The following SS18L1 variants were observed in gnomAD, a reference collection of about 807,000 sequenced individuals.
SS18L1 encodes the protein SS18L1 subunit of BAF chromatin remodeling complex, also known as calcium-responsive transactivator.
In SS18L1, 32 loss-of-function variants were observed where a neutral mutation model predicts 70.3. The observed-to-expected ratio is 0.46, with a 90% CI of 0.34 to 0.61. SS18L1 has a LOEUF of 0.61. SS18L1 is among the 20% of genes least tolerant of loss of function. SS18L1 has a pLI of 0.01. For synonymous variants in SS18L1, 237 were observed against 229.7 expected, an observed-to-expected ratio of 1.03 and a Z score of -0.29; for missense variants, 430 against 542.1, an observed-to-expected ratio of 0.79 and a Z score of 2.05.
chr20:62,144,402 C>T (rs2056984084), intron 1 of SS18L1, among the ~76,000 whole-genome samples: 1 of 152,232 alleles, frequency 6.6e-6, no homozygotes, highest in Non-Finnish European at 1.5e-5. Flanking sequence ...CACTTGCGAC[C>T]GCGGGGACTG....
In SS18L1 at chr20:62,161,516, C is replaced by T. The variant is rs2057329448; in HGVS notation, c.312C>T (p.Ser104=). 2 of 1,612,678 alleles carry T rather than the reference C, an allele frequency of 1.2e-6. No individual in the cohort carries two copies. The highest frequency in any genetic ancestry group is 4.5e-5 in the East Asian group (2 of 44,874). ...GSSQGLHSQG[S]LSDAISTGLP... Reference sequence around the variant, plus strand: ...GCCAGGGCCTGCACTCTCAGGGCAGCCTGAGTGACGCCATCAGCACGGGCC... The same window carrying T: ...GCCAGGGCCTGCACTCTCAGGGCAGTCTGAGTGACGCCATCAGCACGGGCC... The change falls in exon 4 of 11, where the codon AGC becomes AGT. Residue 104 remains serine (S), a synonymous_variant. Transcript: ENST00000331758. The surrounding 1 kb of genome is among the most constrained non-coding windows in gnomAD (Gnocchi z 4.4).
Position 62,179,579 on chromosome 20 carries a change from C to T in SS18L1, c.*371C>T, listed in dbSNP as rs981497915. The T allele has an allele frequency of 4.6e-5, 15 of 324,180 alleles. No homozygotes were observed. Among genetic ancestry groups the T allele is most frequent in the Non-Finnish European group, 8.1e-5 (14 of 172,722 alleles). The allele number at this position is 324,180 out of a possible 1,614,324, so 20.1% of individuals were successfully genotyped here. Reference sequence around the variant, plus strand: ...CGAGGACACCACAGTCCACCTGTTCCCGTCAACAGACGTTAGGTCTCATTT... The same window carrying T: ...CGAGGACACCACAGTCCACCTGTTCTCGTCAACAGACGTTAGGTCTCATTT... On this transcript the variant is annotated 3_prime_UTR_variant, in exon 11 of 11. Coordinates refer to ENST00000331758, the MANE Select transcript of SS18L1 (RefSeq NM_198935.3).
rs369637630 is a variant in SS18L1 at position 62,166,667 on chromosome 20, A to G, written c.916+1153A>G. Among the ~76,000 whole-genome samples, 16 of 111,576 alleles carry G rather than the reference A, an allele frequency of 1.4e-4. 2 individuals are homozygous for G. In the East Asian group the frequency reaches 2.4e-3, roughly 17 times the overall value. 73.2% of individuals were successfully genotyped at this position (111,576 alleles called of 152,430 possible). A position where few individuals can be genotyped will look rare whatever the true frequency, so the allele number is the denominator to read the frequency against. Reference sequence around the variant, plus strand: ...AGCCTAGGTGTTGTGGCTCACGCCTATAATCCCAGCACTTTAGGAAGCTGA... The same window carrying G: ...AGCCTAGGTGTTGTGGCTCACGCCTGTAATCCCAGCACTTTAGGAAGCTGA... On this transcript the variant is annotated intron_variant, in intron 8 of 10. Coordinates refer to ENST00000331758, the MANE Select transcript of SS18L1 (RefSeq NM_198935.3).
chr20:62,179,554 C>G lies in SS18L1; in HGVS notation c.*346C>G, dbSNP rs1428432162. The G allele has an allele frequency of 2.6e-6, 1 of 381,470 alleles. No homozygotes were observed. Among genetic ancestry groups the G allele is most frequent in the East Asian group, 4.4e-5 (1 of 22,988 alleles). The allele number at this position is 381,470 out of a possible 1,614,324, so 23.6% of individuals were successfully genotyped here. The stretch of plus-strand genomic sequence containing the variant: ...CTGTGCCCAGGGACAGGACAGATCT[C>G]GAGGACACCACAGTCCACCTGTTCC... On this transcript the variant is annotated 3_prime_UTR_variant, in exon 11 of 11. Coordinates refer to ENST00000331758, the MANE Select transcript of SS18L1 (RefSeq NM_198935.3).
In SS18L1 at chr20:62,148,125, G is replaced by A. The variant is rs549024078; in HGVS notation, c.69+4236G>A. On this transcript the variant is annotated intron_variant, in intron 1 of 10. Transcript: ENST00000331758. ...CCCCACCCGAGAAGGGGAGCATGGG[G>A]GCCTGTCTTTACATCCGCAGGGATA... is the stretch of plus-strand genomic sequence containing the variant. 1.3e-4 allele frequency among the ~76,000 whole-genome samples: 20 copies of A among 152,360 alleles called. No homozygotes were observed. The South Asian group carries it at 3.7e-3, about 28-fold the overall frequency.
At chr20:62,150,719 T>A (rs112820497) in intron 1 of SS18L1, among the ~76,000 whole-genome samples, 20 of 133,906 alleles carry the variant, frequency 1.5e-4, no homozygotes, top group African/African-American at 5.0e-4. Flanking sequence ...AGTAACGTGA[T>A]CACAGCTCGT....
intron 6 of SS18L1, 144 bp downstream of exon 6, chr20:62,163,766 A>AT: frequency 8.3e-7 from 1 of 1,203,786 alleles, no homozygotes; most frequent in Non-Finnish European, 1.1e-6. Flanking sequence ...TGGTGTTAAC[A>AT]TTGAGTGTGG....
rs772517465 is a variant in SS18L1 at position 62,158,659 on chromosome 20, G to A, written c.70-13G>A. On this transcript the variant is annotated splice_polypyrimidine_tract_variant and intron_variant, in intron 1 of 10. Transcript: ENST00000331758. This position sits in a 1 kb window ranked among gnomAD's most constrained non-coding sequence, Gnocchi z 4.5. Reference sequence around the variant, plus strand: ...CCCCGCGTCGGCAGCGCCCGCTCACGCTCTCTCCGCAGATGCTGGACGAGA... The same window carrying A: ...CCCCGCGTCGGCAGCGCCCGCTCACACTCTCTCCGCAGATGCTGGACGAGA... 15 of 1,611,774 alleles carry A rather than the reference G, an allele frequency of 9.3e-6. No individual in the cohort carries two copies. Among genetic ancestry groups the A allele is most frequent in the Middle Eastern group, 1.7e-4 (1 of 6,030 alleles).
chr20:62,170,360 G>A (rs1008511935), intron 8 of SS18L1, among the ~76,000 whole-genome samples: 2 of 152,346 alleles, frequency 1.3e-5, no homozygotes, highest in South Asian at 2.1e-4. Context: ...AAAAAAATTA[G>A]CTGGGCGTGG....
rs768653043 is a variant in SS18L1, at chr20:62,179,170, G to A, written c.1165-12G>A. 4.3e-6 allele frequency: 7 copies of A among 1,614,024 alleles called. No individual in the cohort carries two copies. The highest frequency in any genetic ancestry group is 5.9e-6 in the Non-Finnish European group (7 of 1,179,996). On this transcript the variant is annotated splice_polypyrimidine_tract_variant and intron_variant, in intron 10 of 10. Coordinates refer to ENST00000331758, the MANE Select transcript of SS18L1 (RefSeq NM_198935.3). Reference sequence around the variant, plus strand: ...ACTATAGGGGTGTAATCTGTGTCTTGATCTCTTTTAGGGCCAGTATGGAAA... The same window carrying A: ...ACTATAGGGGTGTAATCTGTGTCTTAATCTCTTTTAGGGCCAGTATGGAAA...
chr20:62,145,207 A>T (rs1179746953), intron 1 of SS18L1, among the ~76,000 whole-genome samples: 2 of 152,220 alleles, frequency 1.3e-5, no homozygotes, highest in East Asian at 3.9e-4. Context: ...GGGGTTTTAT[A>T]AATCTTGATT....
Position 62,159,861 on chromosome 20 carries a change from G to A in SS18L1, c.147-16G>A, listed in dbSNP as rs201252105. ...GGTCCCGTCGTCCTGCCTCATGCGT[G>A]CCCCCTCTCCTGCAGGTACCAGCAG... On this transcript the variant is annotated splice_polypyrimidine_tract_variant and intron_variant, in intron 2 of 10. Transcript: ENST00000331758. The surrounding 1 kb of genome is among the most constrained non-coding windows in gnomAD (Gnocchi z 4.4). 1.9e-6 allele frequency: 3 copies of A among 1,611,058 alleles called. No individual in the cohort carries two copies. In the Admixed American group the frequency reaches 5.0e-5, roughly 27 times the overall value.
rs538621772 is a variant in SS18L1, at chr20:62,143,893, G to A, written c.69+4G>A. ...TACGCAGCAAACCATCCAGAAGGTG[G>A]GCCGGGCCGGAGCGGCGGCGCTGGG... On this transcript the variant is annotated splice_donor_region_variant and intron_variant, in intron 1 of 10. Transcript: ENST00000331758. 9.0e-5 allele frequency: 106 copies of A among 1,176,906 alleles called. No individual in the cohort carries two copies. The South Asian group carries it at 2.1e-3, about 24-fold the overall frequency. The allele number at this position is 1,176,906 out of a possible 1,614,324, so 72.9% of individuals were successfully genotyped here. A position where few individuals can be genotyped will look rare whatever the true frequency, so the allele number is the denominator to read the frequency against.
intron 3 of SS18L1, 121 bp downstream of exon 3, chr20:62,160,082 A>G: frequency 1.0e-6 from 1 of 980,334 alleles, no homozygotes; most frequent in Non-Finnish European, 1.5e-6. Flanking sequence ...CAAAAATACC[A>G]CTAGAGCCAC....
Position 62,163,818 on chromosome 20 carries a change from G to C in SS18L1, c.721+196G>C, listed in dbSNP as rs75679344. On this transcript the variant is annotated intron_variant, in intron 6 of 10. Transcript: ENST00000331758. ...CCAGGGTGTGGCCCGTGGAGGGTCT[G>C]CTGTCCCCGAGGAGTCAGTGTTGGG... Among the ~76,000 whole-genome samples the C allele has an allele frequency of 3.7e-3, 569 of 152,066 alleles. 4 individuals are homozygous for C. Among genetic ancestry groups the C allele is most frequent in the African/African-American group, 0.013 (540 of 41,498 alleles).
chr20:62,153,611 GCA>G (rs2057172760), intron 1 of SS18L1, among the ~76,000 whole-genome samples: 1 of 152,162 alleles, frequency 6.6e-6, no homozygotes, highest in East Asian at 1.9e-4. Context: ...GCTGAACCAC[GCA>G]GGACCGTGTG....
At chr20:62,154,798 T>G (rs902920733) in intron 1 of SS18L1, among the ~76,000 whole-genome samples, 3 of 152,112 alleles carry the variant, frequency 2.0e-5, no homozygotes, top group Admixed American at 6.5e-5. Flanking sequence ...ATTGAAGGAT[T>G]TGGGGGTGAT....
At chr20:62,156,495 A>G (rs978523969) in intron 1 of SS18L1, among the ~76,000 whole-genome samples, 4 of 152,218 alleles carry the variant, frequency 2.6e-5, no homozygotes, top group African/African-American at 9.6e-5. Flanking sequence ...GAAAAGTGGT[A>G]AAGAGTGGAA....
intron 1 of SS18L1, among the ~76,000 whole-genome samples, chr20:62,155,226 C>T (rs573083071): frequency 6.6e-6 from 1 of 152,104 alleles, no homozygotes; most frequent in East Asian, 1.9e-4. Flanking sequence ...CACAGGGAGA[C>T]CCTGTCTCTA....
Sources: gnomAD v4.1 joint callset for allele counts (sites outside exome capture counted in the v4.1 genomes callset) on GRCh38, gnomAD v4.1.1 for gene constraint, Gnocchi (gnomAD v3.1) non-coding constraint, MANE v1.5 for transcripts, NCBI Gene and HGNC (gene_info 2026-07-23, HGNC 2026-07-21) for gene names.